GRM7: variants seen among roughly 807,000 people sequenced by gnomAD.
The protein encoded by GRM7 is glutamate metabotropic receptor 7.
Under a neutral mutation model 84.5 loss-of-function variants are expected in GRM7, and 35 were observed. The ratio of observed to expected loss-of-function variants is 0.41; its 90% CI spans 0.32 to 0.55. The LOEUF (loss-of-function observed/expected upper bound fraction) is 0.55. GRM7 is among the 20% of genes least tolerant of loss of function. GRM7 has a pLI of 0.19. For synonymous variants in GRM7, 487 were observed against 455.1 expected (o/e 1.07, Z -0.89); for missense variants, 1,003 against 1,194.6 (o/e 0.84, Z 2.36).
chr3:7,530,336 T>C (rs1294920075), intron 7 of GRM7, among the ~76,000 whole-genome samples: 1 of 152,172 alleles, frequency 6.6e-6, no homozygotes, highest in African/African-American at 2.4e-5. Context: ...CTTTATCCAG[T>C]CTATCATTAA....
chr3:6,975,464 T>G (rs1575087926), intron 1 of GRM7, among the ~76,000 whole-genome samples: 1 of 152,182 alleles, frequency 6.6e-6, no homozygotes, highest in African/African-American at 2.4e-5. Context: ...TTCTCTAGGT[T>G]TCCATTTACT....
At chr3:7,640,725 T>G in intron 8 of GRM7, among the ~76,000 whole-genome samples, 1 of 152,224 alleles carries the variant, frequency 6.6e-6, no homozygotes, top group Non-Finnish European at 1.5e-5. Context: ...TGAGTGGCAA[T>G]CTAATGGGAC....
chr3:7,310,267 T>C (rs1447721596), intron 4 of GRM7, among the ~76,000 whole-genome samples: 1 of 144,182 alleles, frequency 6.9e-6, no homozygotes, highest in East Asian at 1.9e-4. Flanking sequence ...GATTTTCAAA[T>C]GGGACTGTAG....
intron 1 of GRM7, among the ~76,000 whole-genome samples, chr3:6,913,814 G>T (rs879283315): frequency 6.6e-6 from 1 of 152,142 alleles, no homozygotes; most frequent in South Asian, 2.1e-4. Flanking sequence ...TAGATAGATA[G>T]ACAACCAGAC....
intron 8 of GRM7, among the ~76,000 whole-genome samples, chr3:7,602,846 A>G (rs1298232879): frequency 6.6e-6 from 1 of 152,116 alleles, no homozygotes; most frequent in Non-Finnish European, 1.5e-5. Context: ...TGCCATCACT[A>G]CCACTGATTA....
intron 9 of GRM7, among the ~76,000 whole-genome samples, chr3:7,695,889 G>C (rs1394564915): frequency 6.6e-6 from 1 of 152,122 alleles, no homozygotes; most frequent in Non-Finnish European, 1.5e-5. Context: ...CCATACAGTA[G>C]CCACTGGATA....
chr3:7,498,775 C>A (rs1699788140), intron 7 of GRM7, among the ~76,000 whole-genome samples: 1 of 152,078 alleles, frequency 6.6e-6, no homozygotes, highest in Non-Finnish European at 1.5e-5. Flanking sequence ...TTTTTTGCCC[C>A]ATATAAAAAT....
At chr3:7,610,624 A>G (rs1696807174) in intron 8 of GRM7, among the ~76,000 whole-genome samples, 1 of 152,216 alleles carries the variant, frequency 6.6e-6, no homozygotes, top group African/African-American at 2.4e-5. Context: ...AACATCAGCT[A>G]TTGCAAAGGT....
At chr3:7,426,210 C>G (rs772387998) in intron 5 of GRM7, among the ~76,000 whole-genome samples, 1 of 151,836 alleles carries the variant, frequency 6.6e-6, no homozygotes, top group Non-Finnish European at 1.5e-5. Context: ...ACCTCTGTCT[C>G]CCGGGTTCAA....
In GRM7 at chr3:6,966,806, TGTG is replaced by T. The variant is rs1693537061; in HGVS notation, c.519+104905_519+104907del. On this transcript the variant is annotated intron_variant, in intron 1 of 9. Coordinates refer to ENST00000357716, the MANE Select transcript of GRM7 (RefSeq NM_000844.4). ...ATAAACTCAATTTATTGAGCCCAGA[TGTG>T]GTGGTAAGAGCAGGAGTTTTGGAGC... Among the ~76,000 whole-genome samples the T allele has an allele frequency of 3.9e-5, 6 of 152,248 alleles. No homozygotes were observed. The South Asian group carries it at 1.0e-3, about 26-fold the overall frequency.
intron 4 of GRM7, among the ~76,000 whole-genome samples, chr3:7,365,652 TATATATATATATAC>T (rs1693852659): frequency 1.4e-5 from 2 of 144,668 alleles, no homozygotes; most frequent in Non-Finnish European, 3.0e-5. Flanking sequence ...TGTGTGTATA[TATATATATATATAC>T]ACACACGCAC....
rs140963985 is a variant in GRM7 at position 7,282,064 on chromosome 3, C to G, written c.737-16620C>G. 6.6e-3 allele frequency among the ~76,000 whole-genome samples: 1,000 copies of G among 152,250 alleles called. 8 individuals are homozygous for G. Among genetic ancestry groups the G allele is most frequent in the African/African-American group, 0.023 (958 of 41,526 alleles). The stretch of plus-strand genomic sequence containing the variant: ...CGCCACTGCACTCCAGCCTGGGCGA[C>G]AGGATGAGACTCCATCTCTACGAAA... On this transcript the variant is annotated intron_variant, in intron 2 of 9. Coordinates refer to ENST00000357716, the MANE Select transcript of GRM7 (RefSeq NM_000844.4).
chr3:7,457,961 C>T (rs927285047), intron 6 of GRM7, among the ~76,000 whole-genome samples: 20 of 152,158 alleles, frequency 1.3e-4, no homozygotes, highest in African/African-American at 4.8e-4. Flanking sequence ...TATATGTTGC[C>T]ACTGTTTTGA....
intron 9 of GRM7, among the ~76,000 whole-genome samples, chr3:7,711,023 C>T (rs1297177240): frequency 6.6e-6 from 1 of 152,194 alleles, no homozygotes; most frequent in Non-Finnish European, 1.5e-5. Context: ...CTGCCTCTGT[C>T]ACACTGTTTT....
chr3:7,054,751 T>C (rs1437598928), intron 1 of GRM7, among the ~76,000 whole-genome samples: 1 of 151,764 alleles, frequency 6.6e-6, no homozygotes, highest in African/African-American at 2.4e-5. Context: ...GTCTCTCTCT[T>C]TCTCTCTCTC....
At chr3:7,153,342 G>A (rs1253187598) in intron 2 of GRM7, among the ~76,000 whole-genome samples, 1 of 151,918 alleles carries the variant, frequency 6.6e-6, no homozygotes, top group East Asian at 1.9e-4. Context: ...GTCTCTTTAT[G>A]AGTTCCACAG....
chr3:7,561,888 C>G (rs1034986369), intron 7 of GRM7, among the ~76,000 whole-genome samples: 2 of 152,142 alleles, frequency 1.3e-5, no homozygotes, highest in African/African-American at 2.4e-5. Flanking sequence ...TTCTGCCAAA[C>G]TCCACAAGGC....
At chr3:7,672,678 C>T (rs1178882860) in intron 8 of GRM7, among the ~76,000 whole-genome samples, 1 of 150,084 alleles carries the variant, frequency 6.7e-6, no homozygotes, top group Non-Finnish European at 1.5e-5. Flanking sequence ...AATCTCAGCT[C>T]ACTGCAAGCT....
chr3:7,582,673 A>G (rs2125056426), intron 8 of GRM7, among the ~76,000 whole-genome samples: 1 of 152,244 alleles, frequency 6.6e-6, no homozygotes, highest in Middle Eastern at 3.4e-3. Context: ...GTTATATTAC[A>G]AAACTTAAGT....
Sources: allele counts gnomAD v4.1 joint callset (sites outside exome capture counted in the v4.1 genomes callset), GRCh38; gene constraint gnomAD v4.1.1; transcripts MANE v1.5; gene names NCBI Gene and HGNC (gene_info 2026-07-23, HGNC 2026-07-21).